The following FREM2 variants were observed in gnomAD, a reference collection of about 807,000 sequenced individuals.
FREM2 encodes FRAS1 related extracellular matrix 2, also known as FRAS1-related extracellular matrix protein 2.
In FREM2, 119 loss-of-function variants were observed where a neutral mutation model predicts 219.9. The observed-to-expected ratio is 0.54, with a 90% confidence interval of 0.47 to 0.63. The LOEUF is 0.63. Ranked by LOEUF, FREM2 falls within the 30% of genes least tolerant of loss-of-function variation. The pLI, the probability that FREM2 is intolerant of heterozygous loss-of-function variation, is 0.00. For missense variants in FREM2, 4,030 were observed against 3,993.6 expected (o/e 1.01, Z -0.25); for synonymous variants, 1,562 against 1,522.8 (o/e 1.03, Z -0.60).
At chr13:38,759,889 G>A (rs1328869136) in intron 2 of FREM2, among the ~76,000 whole-genome samples, 1 of 152,132 alleles carries the variant, frequency 6.6e-6, no homozygotes, top group Non-Finnish European at 1.5e-5. Context: ...AGTAAATAAG[G>A]TATCTTTCTA....
intron 2 of FREM2, among the ~76,000 whole-genome samples, chr13:38,720,355 C>A (rs1226639114): frequency 1.3e-5 from 2 of 152,140 alleles, no homozygotes; most frequent in Non-Finnish European, 2.9e-5. Context: ...CTAAATGTAG[C>A]CAGTTCAATT....
chr13:38,831,867 G>C (rs2137889305), intron 6 of FREM2, among the ~76,000 whole-genome samples: 2 of 151,340 alleles, frequency 1.3e-5, no homozygotes, highest in South Asian at 4.2e-4. Flanking sequence ...TAATCTGCCT[G>C]CCTTGGCCTA....
intron 6 of FREM2, among the ~76,000 whole-genome samples, chr13:38,797,315 T>C (rs1167240696): frequency 6.6e-6 from 1 of 152,168 alleles, no homozygotes; most frequent in East Asian, 1.9e-4. Flanking sequence ...TAAGATGCTG[T>C]CTCATTGTGA....
chr13:38,842,430 G>T (rs954767153), intron 6 of FREM2, among the ~76,000 whole-genome samples: 2 of 152,154 alleles, frequency 1.3e-5, no homozygotes, highest in African/African-American at 2.4e-5. Flanking sequence ...GGGAGTGGAG[G>T]TGACCCTGTG....
chr13:38,859,544 AG>A lies in FREM2; in HGVS notation c.7475del (p.Gly2492AlafsTer5). On this transcript the variant is annotated frameshift_variant, in exon 14 of 24. Transcript: ENST00000280481. LOFTEE classifies it high-confidence loss of function. ...GTGCTGTGAACACCAATGGGGATGAAGGCCTGGAGCTCATGAGCCCTATTGT... is the reference window on the plus strand; with the variant it reads ...GTGCTGTGAACACCAATGGGGATGAAGCCTGGAGCTCATGAGCCCTATTGT... ...ARAVNTNGDEGLELMSPIVTI... is the reference protein window; with the variant it reads ...ARAVNTNGDEXLELMSPIVTI... 1.2e-6 allele frequency: 2 copies of A among 1,614,092 alleles called. No individual in the cohort carries two copies. The highest frequency in any genetic ancestry group is 1.7e-6 in the Non-Finnish European group (2 of 1,180,004).
In FREM2 at chr13:38,760,910, T is replaced by C. The variant is rs138865013; in HGVS notation, c.5264-3394T>C. Among the ~76,000 whole-genome samples the C allele has an allele frequency of 5.8e-3, 885 of 151,800 alleles. 1 individual carries two copies. The highest frequency in any genetic ancestry group is 0.014 in the Middle Eastern group (4 of 292). ...AGAAAAACTAACCAGAATAAAGGGG[T>C]AGAGAGGGCTGGAGTTTGCACTGGG... On this transcript the variant is annotated intron_variant, in intron 2 of 23. Coordinates refer to ENST00000280481, the MANE Select transcript of FREM2 (RefSeq NM_207361.6).
At chr13:38,763,072 G>A (rs1481671576) in intron 2 of FREM2, among the ~76,000 whole-genome samples, 2 of 152,114 alleles carry the variant, frequency 1.3e-5, no homozygotes, top group South Asian at 2.1e-4. Context: ...CAGAAGGAGC[G>A]ACAAGATTGA....
At chr13:38,737,405 A>G (rs904924022) in intron 2 of FREM2, among the ~76,000 whole-genome samples, 6 of 152,194 alleles carry the variant, frequency 3.9e-5, no homozygotes, top group Non-Finnish European at 7.3e-5. Context: ...CAATGTTAGC[A>G]TATTTCTCTC....
intron 11 of FREM2, among the ~76,000 whole-genome samples, chr13:38,855,698 C>T (rs780283352): frequency 4.2e-4 from 63 of 151,782 alleles, no homozygotes; most frequent in Non-Finnish European, 7.2e-4. Context: ...AAAGGCATAA[C>T]AATGATACAA....
At chr13:38,773,007 T>A (rs1190834634) in intron 4 of FREM2, among the ~76,000 whole-genome samples, 1 of 152,178 alleles carries the variant, frequency 6.6e-6, no homozygotes, top group African/African-American at 2.4e-5. Context: ...CAGAACTTTT[T>A]AACACACACA....
intron 3 of FREM2, among the ~76,000 whole-genome samples, chr13:38,765,852 G>T (rs113163139): frequency 6.6e-6 from 1 of 152,062 alleles, no homozygotes; most frequent in African/African-American, 2.4e-5. Context: ...TTTTGCATGA[G>T]CCTCCACCTG....
At position 38,783,163 on chromosome 13, in the gene FREM2, A is replaced by T; in HGVS notation, c.5735A>T (p.Gln1912Leu). ...IPIRRSGDVSQELMVVCYTQQ... is the reference protein window; with the variant it reads ...IPIRRSGDVSLELMVVCYTQQ... ...ATCAGGAGGAGCGGAGATGTGAGCC[A>T]GGAGTTGATGGTGGTCTGTTATACC... The change falls in exon 5 of 24, where the codon CAG (glutamine) becomes CTG (leucine). Residue 1912 changes from glutamine (Q) to leucine (L), a missense_variant. Around this residue, in one of 2 missense-constraint regions of FREM2, gnomAD observed 3,102 missense variants for 2,950.7 expected, o/e 1.05. Transcript: ENST00000280481. 2 of 1,614,114 alleles carry T rather than the reference A, an allele frequency of 1.2e-6. No homozygotes were observed.
At chr13:38,855,486 T>C (rs1473878520) in intron 11 of FREM2, among the ~76,000 whole-genome samples, 1 of 152,184 alleles carries the variant, frequency 6.6e-6, no homozygotes, top group Non-Finnish European at 1.5e-5. Context: ...CTACTGATTG[T>C]CCCTCCCATA....
At chr13:38,788,080 G>T (rs560670797) in intron 6 of FREM2, among the ~76,000 whole-genome samples, 1 of 152,246 alleles carries the variant, frequency 6.6e-6, no homozygotes, top group Non-Finnish European at 1.5e-5. Flanking sequence ...GGTAAACCAC[G>T]TCTTTCATAT....
rs1876255152 is a variant in FREM2 at position 38,825,723 on chromosome 13, C to T, written c.6020-20850C>T. Among the ~76,000 whole-genome samples the T allele has an allele frequency of 2.0e-5, 3 of 152,058 alleles. No individual in the cohort carries two copies. In the South Asian group the frequency reaches 6.2e-4, roughly 32 times the overall value. ...TTCCTTGTGTCAGCCATTTATTAAG[C>T]TGTCCAGTTCTATTACCCAGGCTCC... On this transcript the variant is annotated intron_variant, in intron 6 of 23. Transcript: ENST00000280481.
intron 1 of FREM2, among the ~76,000 whole-genome samples, chr13:38,694,044 A>G (rs1357694328): frequency 1.3e-5 from 2 of 152,230 alleles, no homozygotes; most frequent in East Asian, 3.8e-4. Flanking sequence ...CTGACCTGAA[A>G]AAGAAATCTG....
intron 6 of FREM2, among the ~76,000 whole-genome samples, chr13:38,816,087 T>C (rs1466428870): frequency 6.6e-6 from 1 of 152,068 alleles, no homozygotes; most frequent in Admixed American, 6.6e-5. Context: ...GAATCAGTAA[T>C]AAAAAGTCCT....
chr13:38,862,798 G>A (rs192794685), intron 15 of FREM2, among the ~76,000 whole-genome samples: 353 of 150,858 alleles, frequency 2.3e-3, no homozygotes, highest in South Asian at 4.8e-3. Flanking sequence ...AAATGTTTGG[G>A]GAAAAAAAAA....
At chr13:38,742,997 T>G (rs1872311788) in intron 2 of FREM2, among the ~76,000 whole-genome samples, 1 of 152,164 alleles carries the variant, frequency 6.6e-6, no homozygotes, top group African/African-American at 2.4e-5. Flanking sequence ...GGTCTAAAAC[T>G]CAATGTACCT....
Sources: gnomAD v4.1 joint callset for allele counts (sites outside exome capture counted in the v4.1 genomes callset) on GRCh38, gnomAD v4.1.1 for gene constraint, gnomAD v4.1.1 regional missense constraint, MANE v1.5 for transcripts, NCBI Gene and HGNC (gene_info 2026-07-23, HGNC 2026-07-21) for gene names.